PCNX1: variants seen among roughly 807,000 people sequenced by gnomAD.
PCNX1 encodes the protein pecanex-like protein 1.
Under a neutral mutation model 242.2 loss-of-function variants are expected in PCNX1, and 78 were observed. The observed-to-expected ratio is 0.32, with a 90% CI of 0.27 to 0.39. PCNX1 has a LOEUF of 0.39. Ranked by LOEUF, PCNX1 falls within the 10% of genes least tolerant of loss-of-function variation. The pLI, the probability that PCNX1 is intolerant of heterozygous loss-of-function variation, is 1.00. For missense variants in PCNX1, 2,581 were observed against 2,856.5 expected, an observed-to-expected ratio of 0.90 and a Z score of 2.20; for synonymous variants, 1,024 against 1,032.9, an observed-to-expected ratio of 0.99 and a Z score of 0.17.
chr14:71,044,885 G>A lies in PCNX1; in HGVS notation c.3868-248G>A, dbSNP rs2240535. Among the ~76,000 whole-genome samples the A allele has an allele frequency of 9.0e-3, 1,368 of 152,326 alleles. 10 individuals carry two copies. The highest frequency in any genetic ancestry group is 0.012 in the Non-Finnish European group (843 of 68,018). Reference sequence around the variant, plus strand: ...GGCCACTCTCTCATTATACAATAGTGTAAGACACCAGAGAAAGTAGTTAAC... The same window carrying A: ...GGCCACTCTCTCATTATACAATAGTATAAGACACCAGAGAAAGTAGTTAAC... On this transcript the variant is annotated intron_variant, in intron 19 of 35. Transcript: ENST00000304743.
chr14:71,079,330 G>T (rs956696727), intron 28 of PCNX1, among the ~76,000 whole-genome samples: 6 of 152,134 alleles, frequency 3.9e-5, no homozygotes, highest in African/African-American at 1.4e-4. Flanking sequence ...CTTTATAGTA[G>T]AATGATTTAT....
intron 1 of PCNX1, among the ~76,000 whole-genome samples, chr14:70,914,684 T>C (rs2056076243): frequency 6.6e-6 from 1 of 152,230 alleles, no homozygotes; most frequent in Non-Finnish European, 1.5e-5. Flanking sequence ...TCTGTGTTTT[T>C]AAATATTGTG....
intron 3 of PCNX1, among the ~76,000 whole-genome samples, chr14:70,967,760 G>A (rs1041724641): frequency 6.6e-6 from 1 of 152,172 alleles, no homozygotes; most frequent in Admixed American, 6.5e-5. Flanking sequence ...GCTGCACTTT[G>A]TAGTGTATGT....
chr14:71,073,724 A>G lies in PCNX1; in HGVS notation c.5032A>G (p.Ile1678Val), dbSNP rs768192916. The G allele has an allele frequency of 6.8e-6, 11 of 1,613,960 alleles. No homozygotes were observed. Among genetic ancestry groups the G allele is most frequent in the African/African-American group, 1.3e-5 (1 of 75,038 alleles). Reference sequence around the variant, plus strand: ...AAAGTACATTCTGGAGGGTTATAGCATCACTGATAACAGTGCTGCTTCTAT... The same window carrying G: ...AAAGTACATTCTGGAGGGTTATAGCGTCACTGATAACAGTGCTGCTTCTAT... Reference protein sequence around the residue: ...VTKYILEGYSITDNSAASMLQ... With the variant: ...VTKYILEGYSVTDNSAASMLQ... The change falls in exon 27 of 36, where the codon ATC becomes GTC. Residue 1678 changes from isoleucine (I) to valine (V), a missense_variant. Ile to Val is a conservative substitution (Grantham distance 29). Around this residue, in one of 9 missense-constraint regions of PCNX1, gnomAD observed 298 missense variants for 480.1 expected, o/e 0.62. Coordinates refer to ENST00000304743, the MANE Select transcript of PCNX1 (RefSeq NM_014982.3).
intron 5 of PCNX1, among the ~76,000 whole-genome samples, chr14:70,973,185 C>T (rs981152685): frequency 6.8e-6 from 1 of 146,870 alleles, no homozygotes; most frequent in African/African-American, 2.5e-5. Context: ...CCTAGGAGAT[C>T]AAGACTGCAG....
intron 2 of PCNX1, among the ~76,000 whole-genome samples, chr14:70,950,266 A>C (rs1457605433): frequency 2.0e-5 from 3 of 152,132 alleles, no homozygotes; most frequent in Non-Finnish European, 4.4e-5. Context: ...TGTTCTTATA[A>C]ACTATTATAT....
In PCNX1 at chr14:71,108,923, T is replaced by A. The variant is rs561027419; in HGVS notation, c.6621T>A (p.Thr2207=). 8.1e-6 allele frequency: 13 copies of A among 1,614,120 alleles called. No homozygotes were observed. The South Asian group carries it at 9.9e-5, about 12-fold the overall frequency. ...SQSIPACKHH[T]LVGFLATEGG... is the part of the protein sequence containing the mutation. ...GCATCCCAGCCTGCAAACATCACAC[T>A]CTCGTGGGCTTTCTTGCGACAGAGG... The change falls in exon 34 of 36, where the codon ACT becomes ACA. Residue 2207 remains threonine (T), a synonymous_variant. Transcript: ENST00000304743.
Position 71,012,969 on chromosome 14 carries a change from GCTGA to G in PCNX1, c.2779-13_2779-10del. ...TTGAAGATATTTTAAGCCTTTCAAT[GCTGA>G]CTTTCTTTTAGCTCTCTCTCCCACA... is the stretch of plus-strand genomic sequence containing the variant. On this transcript the variant is annotated splice_polypyrimidine_tract_variant and intron_variant, in intron 10 of 35. Coordinates refer to ENST00000304743, the MANE Select transcript of PCNX1 (RefSeq NM_014982.3). 1 of 1,555,850 alleles carries G rather than the reference GCTGA, an allele frequency of 6.4e-7. No individual in the cohort carries two copies. Among genetic ancestry groups the G allele is most frequent in the Non-Finnish European group, 8.9e-7 (1 of 1,126,866 alleles).
At chr14:71,023,378 A>G in intron 13 of PCNX1, 146 bp downstream of exon 13, 1 of 645,140 alleles carries the variant, frequency 1.6e-6, no homozygotes, top group South Asian at 1.9e-5. Flanking sequence ...CTATGTTTTG[A>G]CACACTACTA....
At chr14:70,947,354 A>G (rs899612098) in intron 2 of PCNX1, among the ~76,000 whole-genome samples, 1 of 152,190 alleles carries the variant, frequency 6.6e-6, no homozygotes, top group African/African-American at 2.4e-5. Context: ...TAGACAGGTT[A>G]GAACAGTACT....
chr14:71,036,219 C>T, intron 19 of PCNX1, 62 bp downstream of exon 19: 1 of 1,090,538 alleles, frequency 9.2e-7, no homozygotes, highest in South Asian at 1.2e-5. Flanking sequence ...CACTCTGTCA[C>T]CCAGGCTGGA....
intron 2 of PCNX1, among the ~76,000 whole-genome samples, chr14:70,959,124 C>G (rs2058105210): frequency 6.7e-6 from 1 of 149,946 alleles, no homozygotes; most frequent in Admixed American, 6.6e-5. Context: ...ATGACTTATT[C>G]TAAGAGTTGT....
rs570494506 is a variant in PCNX1, at chr14:71,004,784, T to C, written c.2630-4850T>C. On this transcript the variant is annotated intron_variant, in intron 8 of 35. Coordinates refer to ENST00000304743, the MANE Select transcript of PCNX1 (RefSeq NM_014982.3). Reference sequence around the variant, plus strand: ...GCCTTCTCTTTAAAAGTATAATATATTCATTGAGATTGCATTATGAACACA... The same window carrying C: ...GCCTTCTCTTTAAAAGTATAATATACTCATTGAGATTGCATTATGAACACA... Among the ~76,000 whole-genome samples, 131 of 152,314 alleles carry C rather than the reference T, an allele frequency of 8.6e-4. 1 individual carries two copies. The South Asian group carries it at 0.01, about 12-fold the overall frequency.
rs186876057 is a variant in PCNX1 at position 71,019,579 on chromosome 14, T to G, written c.3150+417T>G. On this transcript the variant is annotated intron_variant, in intron 12 of 35. Coordinates refer to ENST00000304743, the MANE Select transcript of PCNX1 (RefSeq NM_014982.3). ...ACCATGGCTGGCTAATTTTCGTATT[T>G]TTAGTAGAGACGGGGTTTCACCATG... 7.4e-4 allele frequency among the ~76,000 whole-genome samples: 113 copies of G among 152,258 alleles called. 1 individual carries two copies. Among genetic ancestry groups the G allele is most frequent in the Admixed American group, 1.6e-3 (24 of 15,304 alleles).
At chr14:71,076,478 TG>T in intron 28 of PCNX1, 59 bp downstream of exon 28, 2 of 1,132,040 alleles carry the variant, frequency 1.8e-6, no homozygotes, top group Non-Finnish European at 2.6e-6. Context: ...ATGCAAAGAA[TG>T]TCCCTGTTAG....
intron 1 of PCNX1, among the ~76,000 whole-genome samples, chr14:70,909,450 G>A (rs952946257): frequency 1.3e-5 from 2 of 152,130 alleles, no homozygotes; most frequent in Admixed American, 6.5e-5. Context: ...TAATGAACGG[G>A]TTAATTACTT....
chr14:71,031,846 A>G (rs1405841220), intron 16 of PCNX1: 3 of 1,479,132 alleles, frequency 2.0e-6, no homozygotes, highest in Non-Finnish European at 2.8e-6. Flanking sequence ...GTCTGGCTTC[A>G]GGTAGACACA....
chr14:71,047,340 T>A (rs1348467230), intron 21 of PCNX1, among the ~76,000 whole-genome samples: 1 of 152,174 alleles, frequency 6.6e-6, no homozygotes, highest in Admixed American at 6.5e-5. Flanking sequence ...GAGGACATTT[T>A]AAAATAAGGT....
At chr14:70,951,166 G>T (rs2057762470) in intron 2 of PCNX1, among the ~76,000 whole-genome samples, 1 of 151,678 alleles carries the variant, frequency 6.6e-6, no homozygotes. Context: ...TTTTTTCCCT[G>T]TAAATTTAGA....
Sources: gnomAD v4.1 joint callset for allele counts (sites outside exome capture counted in the v4.1 genomes callset) on GRCh38, gnomAD v4.1.1 for gene constraint, gnomAD v4.1.1 regional missense constraint, MANE v1.5 for transcripts, NCBI Gene and HGNC (gene_info 2026-07-23, HGNC 2026-07-21) for gene names.